Variants in MARCHF1 observed in about 807,000 individuals in gnomAD.
The protein encoded by MARCHF1 is E3 ubiquitin-protein ligase MARCHF1.
In MARCHF1, 40 loss-of-function variants were observed where a neutral mutation model predicts 54.2. The ratio of observed to expected loss-of-function variants is 0.74; its 90% CI spans 0.57 to 0.96. The LOEUF (loss-of-function observed/expected upper bound fraction) is 0.96, where lower values mean the gene tolerates loss of function less well. Ranked by LOEUF, MARCHF1 falls within the 40% of genes least tolerant of loss-of-function variation. The pLI is 0.00. For missense variants in MARCHF1, 586 were observed against 656.5 expected (o/e 0.89, Z 1.17); for synonymous variants, 236 against 236.3 (o/e 1.00, Z 0.01).
At chr4:164,135,075 G>T (rs1056900190) in intron 1 of MARCHF1, among the ~76,000 whole-genome samples, 1 of 152,206 alleles carries the variant, frequency 6.6e-6, no homozygotes, top group Non-Finnish European at 1.5e-5. Flanking sequence ...CCTCCTGGTT[G>T]GTTATTAGTA....
chr4:163,980,046 C>A (rs1480977815), intron 3 of MARCHF1, among the ~76,000 whole-genome samples: 3 of 150,622 alleles, frequency 2.0e-5, no homozygotes, highest in African/African-American at 7.3e-5. Context: ...CAAAAAAGAG[C>A]CCGCATCGCC....
chr4:164,112,813 G>A (rs1755861324), intron 1 of MARCHF1, among the ~76,000 whole-genome samples: 1 of 151,640 alleles, frequency 6.6e-6, no homozygotes, highest in African/African-American at 2.4e-5. Context: ...ATATTGCATA[G>A]AACCATGAAA....
At chr4:163,806,518 T>C (rs1748227765) in intron 4 of MARCHF1, among the ~76,000 whole-genome samples, 1 of 152,212 alleles carries the variant, frequency 6.6e-6, no homozygotes, top group Admixed American at 6.6e-5. Context: ...CTGCTAATAC[T>C]GGTACCCATC....
chr4:163,717,558 T>A (rs1280882397), intron 4 of MARCHF1, among the ~76,000 whole-genome samples: 1 of 152,138 alleles, frequency 6.6e-6, no homozygotes, highest in East Asian at 1.9e-4. Context: ...TCTAGATCCT[T>A]GAGGAATCGC....
intron 1 of MARCHF1, among the ~76,000 whole-genome samples, chr4:164,349,967 G>A (rs1259322817): frequency 6.6e-6 from 1 of 152,168 alleles, no homozygotes; most frequent in Non-Finnish European, 1.5e-5. Flanking sequence ...ATGATTGTAT[G>A]ATTTTGGTCA....
chr4:163,644,140 T>C (rs915615739), intron 5 of MARCHF1, among the ~76,000 whole-genome samples: 1 of 152,194 alleles, frequency 6.6e-6, no homozygotes, highest in African/African-American at 2.4e-5. Context: ...GTTTTAACCA[T>C]TTTAGGTAAA....
At chr4:163,533,843 T>C (rs996273451) in intron 9 of MARCHF1, among the ~76,000 whole-genome samples, 15 of 151,880 alleles carry the variant, frequency 9.9e-5, no homozygotes, top group African/African-American at 3.6e-4. Flanking sequence ...GATATATTTA[T>C]GGAAACTATT....
intron 5 of MARCHF1, among the ~76,000 whole-genome samples, chr4:163,665,189 T>C (rs1332698919): frequency 6.6e-6 from 1 of 152,116 alleles, no homozygotes. Context: ...TTTTAGTATA[T>C]GGGAAAATTC....
At chr4:164,136,904 T>A (rs1756414667) in intron 1 of MARCHF1, among the ~76,000 whole-genome samples, 1 of 152,158 alleles carries the variant, frequency 6.6e-6, no homozygotes, top group South Asian at 2.1e-4. Flanking sequence ...TTTTGTGACA[T>A]GGGGGTAGAT....
rs1741388967 is a variant in MARCHF1, at chr4:163,612,834, G to T, written c.447C>A (p.Ser149Arg). ...CTGTGTAAAGCTCCCTCCACCTGGGGCTTGAGATTTGAAGGTGAAAGTCAT... is the reference window on the plus strand; with the variant it reads ...CTGTGTAAAGCTCCCTCCACCTGGGTCTTGAGATTTGAAGGTGAAAGTCAT... Reference protein sequence around the residue: ...RKNDFHLQISSPRWRELYTDS... With the variant: ...RKNDFHLQISRPRWRELYTDS... Residue 149 changes from serine (S) to arginine (R), a missense_variant, in exon 7 of 10, where the codon AGC becomes AGA. Transcript: ENST00000514618. The T allele has an allele frequency of 3.9e-6, 6 of 1,535,098 alleles. No homozygotes were observed. The highest frequency in any genetic ancestry group is 2.0e-5 in the Admixed American group (1 of 50,882).
In MARCHF1 at chr4:163,953,379, GT is replaced by G. The variant is rs1188211739; in HGVS notation, c.-39+35121del. Among the ~76,000 whole-genome samples, 3 of 152,200 alleles carry G rather than the reference GT, an allele frequency of 2.0e-5. No individual in the cohort carries two copies. In the East Asian group the frequency reaches 5.8e-4, roughly 29 times the overall value. ...TTGATTTTTTCTCATGTGTAAAATG[GT>G]TGTCATCAAGCCATTCATGGGGCTG... On this transcript the variant is annotated intron_variant, in intron 3 of 9. Transcript: ENST00000514618.
At chr4:164,383,788 G>C (rs1399708181) in intron 1 of MARCHF1, 82 bp downstream of exon 1, 2 of 152,816 alleles carry the variant, frequency 1.3e-5, no homozygotes, top group African/African-American at 4.8e-5. Flanking sequence ...CGGGATCAGG[G>C]ACAAGCCGCC....
At chr4:163,550,474 C>T (rs1383105753) in intron 8 of MARCHF1, among the ~76,000 whole-genome samples, 3 of 149,742 alleles carry the variant, frequency 2.0e-5, no homozygotes, top group African/African-American at 7.4e-5. Flanking sequence ...CACCAGGTGG[C>T]GCCAGGCCCA....
Position 164,350,047 on chromosome 4 carries a change from T to C in MARCHF1, c.-323+33823A>G, listed in dbSNP as rs1486363120. Among the ~76,000 whole-genome samples the C allele has an allele frequency of 3.9e-5, 6 of 152,202 alleles. No homozygotes were observed. The South Asian group carries it at 6.2e-4, about 16-fold the overall frequency. ...TATTTTGCATAGTTCTGAGATTAAA[T>C]TGCAATGTTCACAATGCATGTAAAA... On this transcript the variant is annotated intron_variant, in intron 1 of 9. Coordinates refer to ENST00000514618, the MANE Select transcript of MARCHF1 (RefSeq NM_001394959.1).
chr4:164,010,250 T>C (rs1348906011), intron 2 of MARCHF1, among the ~76,000 whole-genome samples: 1 of 150,090 alleles, frequency 6.7e-6, no homozygotes, highest in African/African-American at 2.5e-5. Context: ...TGTTGTTGTT[T>C]TTTGGTTTTT....
chr4:163,747,089 T>A (rs1746384786), intron 4 of MARCHF1, among the ~76,000 whole-genome samples: 1 of 152,144 alleles, frequency 6.6e-6, no homozygotes, highest in Non-Finnish European at 1.5e-5. Flanking sequence ...AAATGTATAA[T>A]CTGCAACGTT....
chr4:163,971,719 A>G (rs1752550821), intron 3 of MARCHF1, among the ~76,000 whole-genome samples: 1 of 152,086 alleles, frequency 6.6e-6, no homozygotes, highest in Admixed American at 6.5e-5. Flanking sequence ...ATAAAACAGA[A>G]CCTTTGTTCC....
intron 9 of MARCHF1, among the ~76,000 whole-genome samples, chr4:163,532,715 A>C (rs1385399694): frequency 6.6e-6 from 1 of 152,032 alleles, no homozygotes; most frequent in Non-Finnish European, 1.5e-5. Flanking sequence ...CAAAATGAGC[A>C]AAAGATTTGA....
At chr4:163,879,512 T>C (rs1750368400) in intron 3 of MARCHF1, among the ~76,000 whole-genome samples, 1 of 152,220 alleles carries the variant, frequency 6.6e-6, no homozygotes. Flanking sequence ...ATATATTCTT[T>C]AAGGAGAAAG....
Sources: allele counts gnomAD v4.1 joint callset (sites outside exome capture counted in the v4.1 genomes callset), GRCh38; gene constraint gnomAD v4.1.1; transcripts MANE v1.5; gene names NCBI Gene and HGNC (gene_info 2026-07-23, HGNC 2026-07-21).